Variants in MCC observed in about 807,000 individuals in gnomAD.
The protein encoded by MCC is MCC regulator of Wnt signaling pathway.
In MCC, 90 loss-of-function variants were observed where a neutral mutation model predicts 116.2. The observed-to-expected ratio is 0.77, with a 90% CI of 0.65 to 0.92. The LOEUF is 0.92. Among genes scored for constraint, MCC ranks in the 40% least tolerant of loss-of-function variants. The pLI is 0.00. For missense variants in MCC, 1,516 were observed against 1,312.2 expected (o/e 1.16, Z -2.40); for synonymous variants, 578 against 510.5 (o/e 1.13, Z -1.78).
intron 3 of MCC, among the ~76,000 whole-genome samples, chr5:113,255,953 T>G (rs1764988222): frequency 6.6e-6 from 1 of 152,244 alleles, no homozygotes; most frequent in Non-Finnish European, 1.5e-5. Flanking sequence ...AAGCGCTTAT[T>G]TGATCTGATT....
intron 3 of MCC, among the ~76,000 whole-genome samples, chr5:113,171,590 A>T (rs1281036278): frequency 6.6e-6 from 1 of 152,040 alleles, no homozygotes; most frequent in Non-Finnish European, 1.5e-5. Context: ...CCTGGCCTCA[A>T]GTGATCAGCC....
At chr5:113,092,571 A>C (rs1314045067) in intron 8 of MCC, among the ~76,000 whole-genome samples, 4 of 152,214 alleles carry the variant, frequency 2.6e-5, no homozygotes. Flanking sequence ...GGGCAAAAAT[A>C]AAGACCCTCT....
At chr5:113,432,425 A>G (rs1444149667) in intron 1 of MCC, 2 of 151,824 alleles carry the variant, frequency 1.3e-5, no homozygotes, top group Non-Finnish European at 2.9e-5. Context: ...CCACGTATTT[A>G]TCATGTGCTC....
intron 3 of MCC, among the ~76,000 whole-genome samples, chr5:113,310,661 G>A (rs1014163432): frequency 2.5e-4 from 38 of 152,086 alleles, no homozygotes; most frequent in Middle Eastern, 3.4e-3. Flanking sequence ...TTCCACTACT[G>A]TCACTAGTGA....
intron 3 of MCC, among the ~76,000 whole-genome samples, chr5:113,169,004 G>A (rs1760923972): frequency 6.6e-6 from 1 of 152,114 alleles, no homozygotes; most frequent in African/African-American, 2.4e-5. Flanking sequence ...ACGGCTTTAA[G>A]ACAAGCCCTC....
intron 1 of MCC, among the ~76,000 whole-genome samples, chr5:113,391,381 CT>C (rs894678788): frequency 2.6e-5 from 4 of 152,112 alleles, no homozygotes; most frequent in African/African-American, 9.7e-5. Context: ...AGTGGCTGTA[CT>C]TCCTTTTCCT....
intron 3 of MCC, among the ~76,000 whole-genome samples, chr5:113,252,244 CG>C (rs1050410190): frequency 1.3e-5 from 2 of 152,118 alleles, no homozygotes; most frequent in African/African-American, 4.8e-5. Flanking sequence ...CCCCAGCCCC[CG>C]GGCCCACAGA....
At chr5:113,029,077 T>A in intron 17 of MCC, 21 bp from the exon 18 acceptor site, 1 of 1,600,128 alleles carries the variant, frequency 6.2e-7, no homozygotes, top group Non-Finnish European at 8.5e-7. Flanking sequence ...GGAGACAAAA[T>A]ATGCCAGGAG....
intron 3 of MCC, among the ~76,000 whole-genome samples, chr5:113,186,122 G>A (rs946229296): frequency 6.6e-5 from 10 of 152,134 alleles, no homozygotes; most frequent in Admixed American, 2.0e-4. Context: ...TGGGATTTCC[G>A]GGGTATTAAC....
chr5:113,068,799 G>C (rs928776171), intron 12 of MCC, among the ~76,000 whole-genome samples: 2 of 152,202 alleles, frequency 1.3e-5, no homozygotes, highest in East Asian at 1.9e-4. Context: ...TCTTAGAGCA[G>C]ATCCTCCAAT....
At chr5:113,253,732 A>G (rs13356301) in intron 3 of MCC, among the ~76,000 whole-genome samples, 6,726 of 152,270 alleles carry the variant, frequency 0.044, 495 homozygotes, top group African/African-American at 0.15. Flanking sequence ...GACAGAGATC[A>G]TAACTCATGG....
chr5:113,313,713 T>G (rs977065519), intron 3 of MCC, among the ~76,000 whole-genome samples: 2 of 152,232 alleles, frequency 1.3e-5, no homozygotes, highest in South Asian at 2.1e-4. Context: ...AAGATTCTTA[T>G]ATTTCTAAAT....
At chr5:113,357,012 G>A (rs115490832) in intron 2 of MCC, among the ~76,000 whole-genome samples, 1 of 152,260 alleles carries the variant, frequency 6.6e-6, no homozygotes, top group African/African-American at 2.4e-5. Context: ...ATAGAATAGT[G>A]GTTAAGAACT....
chr5:113,075,521 G>A (rs867223356), intron 11 of MCC, among the ~76,000 whole-genome samples: 1 of 152,246 alleles, frequency 6.6e-6, no homozygotes, highest in Non-Finnish European at 1.5e-5. Flanking sequence ...GGGTCTTGGA[G>A]AACTTTTAAG....
chr5:113,342,447 G>T (rs1327402468), intron 2 of MCC, among the ~76,000 whole-genome samples: 1 of 152,182 alleles, frequency 6.6e-6, no homozygotes, highest in Non-Finnish European at 1.5e-5. Context: ...TTGGTTTGTT[G>T]ATTAGAGCAG....
intron 11 of MCC, among the ~76,000 whole-genome samples, chr5:113,079,839 G>A (rs1451512432): frequency 6.6e-6 from 1 of 152,182 alleles, no homozygotes; most frequent in East Asian, 1.9e-4. Flanking sequence ...CTTCTGCACA[G>A]CAAAAGAAAC....
At position 113,434,619 on chromosome 5, in the gene MCC, TTAA is replaced by T. The variant is rs1022155937; in HGVS notation, c.171-49410_171-49408del. Reference sequence around the variant, plus strand: ...TGATGTCTCAAAGATCTCGTAGGTCTTAATGATGGAGCAGTGGTTTAACATGGC... The same window carrying T: ...TGATGTCTCAAAGATCTCGTAGGTCTTGATGGAGCAGTGGTTTAACATGGC... On this transcript the variant is annotated intron_variant, in intron 1 of 18. Coordinates refer to ENST00000408903, the MANE Select transcript of MCC (RefSeq NM_001085377.2). The surrounding 1 kb of genome is among the most constrained non-coding windows in gnomAD (Gnocchi z 4.2). 1.2e-6 allele frequency: 2 copies of T among 1,613,822 alleles called. No homozygotes were observed. Among genetic ancestry groups the T allele is most frequent in the African/African-American group, 2.7e-5 (2 of 74,912 alleles).
chr5:113,433,783 T>C, intron 1 of MCC: 1 of 1,613,920 alleles, frequency 6.2e-7, no homozygotes, highest in Non-Finnish European at 8.5e-7. Flanking sequence ...CCTTCCTCTG[T>C]CTCCATAGTC....
intron 5 of MCC, among the ~76,000 whole-genome samples, chr5:113,127,997 C>T (rs1327854618): frequency 6.6e-6 from 1 of 152,210 alleles, no homozygotes; most frequent in African/African-American, 2.4e-5. Context: ...AATGTCATGA[C>T]TGAAGGAAAA....
Sources: allele counts gnomAD v4.1 joint callset (sites outside exome capture counted in the v4.1 genomes callset), GRCh38; gene constraint gnomAD v4.1.1; non-coding constraint Gnocchi (gnomAD v3.1); transcripts MANE v1.5; gene names NCBI Gene and HGNC (gene_info 2026-07-23, HGNC 2026-07-21).